EID3: variants seen among roughly 807,000 people sequenced by gnomAD.
The protein encoded by EID3 is EP300-interacting inhibitor of differentiation 3.
In EID3, 3 loss-of-function variants were observed where a neutral mutation model predicts 1.6. That is an observed-to-expected ratio of 1.87 (90% confidence interval 0.85 to 4.83). EID3 has a LOEUF of 4.83. Ranked by LOEUF, EID3 falls within the 30% of genes most tolerant of loss-of-function variation. The pLI is 0.02. For missense variants in EID3, 471 were observed against 409.9 expected (o/e 1.15, Z -1.29); for synonymous variants, 164 against 148.1 (o/e 1.11, Z -0.78).
In EID3 at chr12:104,304,295, G is replaced by T. The variant is rs768160719; in HGVS notation, c.361G>T (p.Asp121Tyr). The T allele has an allele frequency of 8.1e-6, 13 of 1,613,926 alleles. No individual in the cohort carries two copies. The highest frequency in any genetic ancestry group is 8.0e-5 in the African/African-American group (6 of 74,932). The change falls in exon 1 of 1, where the codon GAC (aspartate) becomes TAC (tyrosine). Residue 121 changes from aspartate (D) to tyrosine (Y), a missense_variant. Asp to Tyr is a radical substitution (Grantham distance 160). Coordinates refer to ENST00000527879, the MANE Select transcript of EID3 (RefSeq NM_001008394.3). ...MNFFNQLAFC[D>Y]FLFLFVGLNW... ...CTTCTTTAATCAGTTAGCATTTTGT[G>T]ACTTTCTGTTTCTGTTCGTGGGTCT...
chr12:104,304,010 A>G lies in EID3; in HGVS notation c.76A>G (p.Lys26Glu), dbSNP rs758402269. The change falls in exon 1 of 1, where the codon AAG becomes GAG. Residue 26 changes from lysine (K) to glutamate (E), a missense_variant. Lys to Glu is a moderately conservative substitution (Grantham distance 56). Transcript: ENST00000527879. ...LSSGEADVDPKLLELTADEEK... is the reference protein window; with the variant it reads ...LSSGEADVDPELLELTADEEK... ...CTCTGGGGAGGCCGACGTAGACCCA[A>G]AGCTCCTGGAGCTCACCGCTGACGA... is the stretch of plus-strand genomic sequence containing the variant. 1.2e-6 allele frequency: 2 copies of G among 1,611,590 alleles called. No homozygotes were observed. Among genetic ancestry groups the G allele is most frequent in the Admixed American group, 1.7e-5 (1 of 60,004 alleles).
Position 104,304,790 on chromosome 12 carries a change from A to C in EID3, c.856A>C (p.Met286Leu). 3 of 1,614,032 alleles carry C rather than the reference A, an allele frequency of 1.9e-6. No homozygotes were observed. Among genetic ancestry groups the C allele is most frequent in the Non-Finnish European group, 2.5e-6 (3 of 1,179,890 alleles). Residue 286 changes from methionine (M) to leucine (L), a missense_variant, in exon 1 of 1, where the codon ATG becomes CTG. Transcript: ENST00000527879. The stretch of plus-strand genomic sequence containing the variant: ...AGACAGGCTGCCAATATTAGAGCCG[A>C]TGAATGTTAACCAAATGGGTGAGGG... ...DEDRLPILEPMNVNQMGEGND... is the reference protein window; with the variant it reads ...DEDRLPILEPLNVNQMGEGND...
chr12:104,304,033 C>T lies in EID3; in HGVS notation c.99C>T (p.Asp33=), dbSNP rs773711676. 2.5e-6 allele frequency: 4 copies of T among 1,613,246 alleles called. No individual in the cohort carries two copies. The highest frequency in any genetic ancestry group is 1.1e-5 in the South Asian group (1 of 91,078). The change falls in exon 1 of 1, where the codon GAC becomes GAT. Residue 33 remains aspartate (D), a synonymous_variant. Transcript: ENST00000527879. ...CAAAGCTCCTGGAGCTCACCGCTGACGAGGAGAAGTGCCGCAGCATCCGCA... is the reference window on the plus strand; with the variant it reads ...CAAAGCTCCTGGAGCTCACCGCTGATGAGGAGAAGTGCCGCAGCATCCGCA... ...VDPKLLELTA[D]EEKCRSIRRQ...
Position 104,303,878 on chromosome 12 carries a change from G to C in EID3, c.-57G>C. ...CGAAGAGAAAGGAGAGGAGCAGCTC[G>C]TGATCATCCCCGGTAGCGAGTACGC... is the stretch of plus-strand genomic sequence containing the variant. On this transcript the variant is annotated 5_prime_UTR_variant, in exon 1 of 1. Transcript: ENST00000527879. 2.7e-6 allele frequency: 4 copies of C among 1,499,214 alleles called. No individual in the cohort carries two copies. The highest frequency in any genetic ancestry group is 3.5e-6 in the Non-Finnish European group (4 of 1,131,496). 92.9% of individuals were successfully genotyped at this position (1,499,214 alleles called of 1,614,324 possible). A position where few individuals can be genotyped will look rare whatever the true frequency, so the allele number is the denominator to read the frequency against.
In EID3 at chr12:104,305,080, A is replaced by T; in HGVS notation, c.*144A>T. The stretch of plus-strand genomic sequence containing the variant: ...CAGACATTGTTTTACTGTGCAGCAT[A>T]TTTTTCTTAGTAATTTATAAGGTCA... On this transcript the variant is annotated 3_prime_UTR_variant, in exon 1 of 1. Transcript: ENST00000527879. 1.2e-6 allele frequency: 1 copy of T among 847,506 alleles called. No individual in the cohort carries two copies. Among genetic ancestry groups the T allele is most frequent in the Non-Finnish European group, 1.7e-6 (1 of 586,712 alleles). The allele number at this position is 847,506 out of a possible 1,614,324, so 52.5% of individuals were successfully genotyped here. A position where few individuals can be genotyped will look rare whatever the true frequency, so the allele number is the denominator to read the frequency against.
In EID3 at chr12:104,305,000, A is replaced by G. The variant is rs2034836112; in HGVS notation, c.*64A>G. 6.9e-7 allele frequency: 1 copy of G among 1,451,406 alleles called. No homozygotes were observed. The highest frequency in any genetic ancestry group is 1.4e-5 in the South Asian group (1 of 69,970). 89.9% of individuals were successfully genotyped at this position (1,451,406 alleles called of 1,614,324 possible). On this transcript the variant is annotated 3_prime_UTR_variant, in exon 1 of 1. Coordinates refer to ENST00000527879, the MANE Select transcript of EID3 (RefSeq NM_001008394.3). ...TGAAGTTAGATGGAGAGTAAAATGT[A>G]AACTGAAGCACATATTGTATCTCTT...
In EID3 at chr12:104,304,466, GAA is replaced by G. The variant is rs2034797365; in HGVS notation, c.533_534del (p.Glu178AlafsTer9). 6.2e-7 allele frequency: 1 copy of G among 1,613,886 alleles called. No homozygotes were observed. ...TTTTGTTTTTGGTTCATTCAAGCTA[GAA>G]CGTTCTGCACCAAAGCCCCGACTTG... ...FHFVFGSFKL[E>X]RSAPKPRLEH... On this transcript the variant is annotated frameshift_variant, in exon 1 of 1. Transcript: ENST00000527879. LOFTEE classifies it low-confidence loss of function (END_TRUNC).
At position 104,304,928 on chromosome 12, in the gene EID3, T is replaced by C; in HGVS notation, c.994T>C (p.Ser332Pro). 1 of 1,589,254 alleles carries C rather than the reference T, an allele frequency of 6.3e-7. No homozygotes were observed. The highest frequency in any genetic ancestry group is 8.5e-7 in the Non-Finnish European group (1 of 1,171,102). ...EISEAMITYSSY is the reference protein window; with the variant it reads ...EISEAMITYSPY ...TTCTGAGGCTATGATTACATACTCC[T>C]CATACTAAAGATTTCTTAGTATAGC... Residue 332 changes from serine (S) to proline (P), a missense_variant, in exon 1 of 1, where the codon TCA (serine) becomes CCA (proline). Ser to Pro is a moderately conservative substitution (Grantham distance 74). Transcript: ENST00000527879.
chr12:104,304,199 G>A lies in EID3; in HGVS notation c.265G>A (p.Asp89Asn). Residue 89 changes from aspartate (D) to asparagine (N), a missense_variant, in exon 1 of 1, where the codon GAC (aspartate) becomes AAC (asparagine). Coordinates refer to ENST00000527879, the MANE Select transcript of EID3 (RefSeq NM_001008394.3). ...GVSRTREAAL[D>N]ARFLVMASDL... The stretch of plus-strand genomic sequence containing the variant: ...GAGCCGAACCAGAGAAGCAGCCCTC[G>A]ACGCCCGGTTTCTTGTTATGGCTTC... 1 of 1,614,062 alleles carries A rather than the reference G, an allele frequency of 6.2e-7. No homozygotes were observed. Among genetic ancestry groups the A allele is most frequent in the Non-Finnish European group, 8.5e-7 (1 of 1,179,904 alleles).
At position 104,304,206 on chromosome 12, in the gene EID3, G is replaced by C. The variant is rs2034780488; in HGVS notation, c.272G>C (p.Arg91Pro). The C allele has an allele frequency of 1.2e-6, 2 of 1,614,040 alleles. No individual in the cohort carries two copies. Among genetic ancestry groups the C allele is most frequent in the Non-Finnish European group, 1.7e-6 (2 of 1,179,896 alleles). Residue 91 changes from arginine (R) to proline (P), a missense_variant, in exon 1 of 1, where the codon CGG becomes CCG. Transcript: ENST00000527879. ...ACCAGAGAAGCAGCCCTCGACGCCC[G>C]GTTTCTTGTTATGGCTTCTGATTTG... is the stretch of plus-strand genomic sequence containing the variant. ...SRTREAALDA[R>P]FLVMASDLGK...
At position 104,304,834 on chromosome 12, in the gene EID3, T is replaced by C; in HGVS notation, c.900T>C (p.His300=). 6.2e-7 allele frequency: 1 copy of C among 1,614,004 alleles called. No homozygotes were observed. Among genetic ancestry groups the C allele is most frequent in the Non-Finnish European group, 8.5e-7 (1 of 1,179,892 alleles). ...QMGEGNDSSC[H]GRKQGVISLT... is the part of the protein sequence containing the mutation. ...GTGAGGGAAATGATTCCAGTTGCCA[T>C]GGCAGGAAACAGGGAGTTATATCTT... Residue 300 remains histidine, a synonymous_variant, in exon 1 of 1, where the codon CAT becomes CAC. Transcript: ENST00000527879.
chr12:104,304,835 G>A lies in EID3; in HGVS notation c.901G>A (p.Gly301Ser). The A allele has an allele frequency of 1.2e-6, 2 of 1,613,996 alleles. No individual in the cohort carries two copies. The change falls in exon 1 of 1, where the codon GGC becomes AGC. Residue 301 changes from glycine (G) to serine (S), a missense_variant. Transcript: ENST00000527879. Reference protein sequence around the residue: ...MGEGNDSSCHGRKQGVISLTL... With the variant: ...MGEGNDSSCHSRKQGVISLTL... ...TGAGGGAAATGATTCCAGTTGCCAT[G>A]GCAGGAAACAGGGAGTTATATCTTT... is the stretch of plus-strand genomic sequence containing the variant.
chr12:104,304,013 C>G lies in EID3; in HGVS notation c.79C>G (p.Leu27Val). 1 of 1,611,938 alleles carries G rather than the reference C, an allele frequency of 6.2e-7. No homozygotes were observed. The highest frequency in any genetic ancestry group is 8.5e-7 in the Non-Finnish European group (1 of 1,179,850). ...TGGGGAGGCCGACGTAGACCCAAAGCTCCTGGAGCTCACCGCTGACGAGGA... is the reference window on the plus strand; with the variant it reads ...TGGGGAGGCCGACGTAGACCCAAAGGTCCTGGAGCTCACCGCTGACGAGGA... ...SSGEADVDPK[L>V]LELTADEEKC... The change falls in exon 1 of 1, where the codon CTC becomes GTC. Residue 27 changes from leucine to valine, a missense_variant. Coordinates refer to ENST00000527879, the MANE Select transcript of EID3 (RefSeq NM_001008394.3).
In EID3 at chr12:104,304,344, A is replaced by G. The variant is rs1276281758; in HGVS notation, c.410A>G (p.Asp137Gly). 7 of 1,614,046 alleles carry G rather than the reference A, an allele frequency of 4.3e-6. No individual in the cohort carries two copies. Among genetic ancestry groups the G allele is most frequent in the Non-Finnish European group, 5.9e-6 (7 of 1,179,900 alleles). ...CTGAATTGGATGGAAGGCGATCCTG[A>G]CAAGTTGAGTGATTGTGATGATAGC... ...VGLNWMEGDPDKLSDCDDSIA... is the reference protein window; with the variant it reads ...VGLNWMEGDPGKLSDCDDSIA... The change falls in exon 1 of 1, where the codon GAC (aspartate) becomes GGC (glycine). Residue 137 changes from aspartate to glycine, a missense_variant. Physicochemically the swap from Asp to Gly is moderately conservative, Grantham distance 94. Coordinates refer to ENST00000527879, the MANE Select transcript of EID3 (RefSeq NM_001008394.3).
rs764802723 is a variant in EID3, at chr12:104,304,957, C to A, written c.*21C>A. The A allele has an allele frequency of 6.5e-6, 10 of 1,540,706 alleles. No homozygotes were observed. The African/African-American group carries it at 1.3e-4, about 19-fold the overall frequency. On this transcript the variant is annotated 3_prime_UTR_variant, in exon 1 of 1. Transcript: ENST00000527879. The stretch of plus-strand genomic sequence containing the variant: ...ACTAAAGATTTCTTAGTATAGCATC[C>A]TTTTTGTGTTTTTTTTCTGAAGTTA...
chr12:104,304,134 C>G lies in EID3; in HGVS notation c.200C>G (p.Thr67Ser). The G allele has an allele frequency of 6.2e-7, 1 of 1,614,068 alleles. No individual in the cohort carries two copies. The highest frequency in any genetic ancestry group is 8.5e-7 in the Non-Finnish European group (1 of 1,179,904). ...GTGAGCTCGGCGAACAACTCCTTAACCGAGGCTCTGGAGGAAGCCAACGTC... is the reference window on the plus strand; with the variant it reads ...GTGAGCTCGGCGAACAACTCCTTAAGCGAGGCTCTGGAGGAAGCCAACGTC... The part of the protein sequence containing the change: ...DIVSSANNSL[T>S]EALEEANVLF... The change falls in exon 1 of 1, where the codon ACC becomes AGC. Residue 67 changes from threonine to serine, a missense_variant. By Grantham distance (58) the Thr-to-Ser change is moderately conservative (BLOSUM62 1). Coordinates refer to ENST00000527879, the MANE Select transcript of EID3 (RefSeq NM_001008394.3).
rs1443589983 is a variant in EID3, at chr12:104,304,960, T to C, written c.*24T>C. ...AAAGATTTCTTAGTATAGCATCCTT[T>C]TTGTGTTTTTTTTCTGAAGTTAGAT... is the stretch of plus-strand genomic sequence containing the variant. On this transcript the variant is annotated 3_prime_UTR_variant, in exon 1 of 1. Transcript: ENST00000527879. 2.6e-6 allele frequency: 4 copies of C among 1,538,298 alleles called. No homozygotes were observed. Among genetic ancestry groups the C allele is most frequent in the Non-Finnish European group, 3.5e-6 (4 of 1,147,990 alleles).
At position 104,304,780 on chromosome 12, in the gene EID3, A is replaced by G. The variant is rs773507190; in HGVS notation, c.846A>G (p.Ile282Met). 2 of 1,614,000 alleles carry G rather than the reference A, an allele frequency of 1.2e-6. No homozygotes were observed. The highest frequency in any genetic ancestry group is 1.7e-6 in the Non-Finnish European group (2 of 1,179,896). ...GGCTTGATGAAGACAGGCTGCCAAT[A>G]TTAGAGCCGATGAATGTTAACCAAA... ...RIRLDEDRLP[I>M]LEPMNVNQMG... The change falls in exon 1 of 1, where the codon ATA (isoleucine) becomes ATG (methionine). Residue 282 changes from isoleucine (I) to methionine (M), a missense_variant. Coordinates refer to ENST00000527879, the MANE Select transcript of EID3 (RefSeq NM_001008394.3).
chr12:104,304,103 G>A lies in EID3; in HGVS notation c.169G>A (p.Asp57Asn), dbSNP rs781467215. The A allele has an allele frequency of 2.2e-5, 35 of 1,613,924 alleles. No individual in the cohort carries two copies. The highest frequency in any genetic ancestry group is 2.5e-5 in the Non-Finnish European group (29 of 1,179,918). ...GTACTGCGTGCGGCAGAACCGGGAGGACATCGTGAGCTCGGCGAACAACTC... is the reference window on the plus strand; with the variant it reads ...GTACTGCGTGCGGCAGAACCGGGAGAACATCGTGAGCTCGGCGAACAACTC... ...LMYCVRQNREDIVSSANNSLT... is the reference protein window; with the variant it reads ...LMYCVRQNRENIVSSANNSLT... Residue 57 changes from aspartate (D) to asparagine (N), a missense_variant, in exon 1 of 1, where the codon GAC becomes AAC. By Grantham distance (23) the Asp-to-Asn change is conservative. Coordinates refer to ENST00000527879, the MANE Select transcript of EID3 (RefSeq NM_001008394.3).
Sources: gnomAD v4.1 joint callset for allele counts on GRCh38, gnomAD v4.1.1 for gene constraint, MANE v1.5 for transcripts, NCBI Gene and HGNC (gene_info 2026-07-23, HGNC 2026-07-21) for gene names.